Variants in ANKS1B observed in about 807,000 individuals in gnomAD.
The protein encoded by ANKS1B is ankyrin repeat and sterile alpha motif domain containing 1B, also known as ankyrin repeat and sterile alpha motif domain-containing protein 1B.
A neutral mutation model predicts 148.3 loss-of-function variants in ANKS1B; 36 were observed. The observed-to-expected ratio is 0.24, with a 90% CI of 0.19 to 0.32. The LOEUF (loss-of-function observed/expected upper bound fraction) is 0.32, where lower values mean the gene tolerates loss of function less well. ANKS1B is among the 10% of genes least tolerant of loss of function. ANKS1B has a pLI of 1.00. For synonymous variants in ANKS1B, 542 were observed against 560.8 expected (o/e 0.97, Z 0.47); for missense variants, 1,157 against 1,542.6 (o/e 0.75, Z 4.19).
chr12:99,366,982 T>C (rs907269713), intron 12 of ANKS1B, among the ~76,000 whole-genome samples: 1 of 152,152 alleles, frequency 6.6e-6, no homozygotes, highest in Non-Finnish European at 1.5e-5. Context: ...CTACTGACAT[T>C]TGGGGATGGA....
intron 14 of ANKS1B, among the ~76,000 whole-genome samples, chr12:99,240,782 T>C (rs995295775): frequency 9.2e-5 from 14 of 152,168 alleles, no homozygotes; most frequent in African/African-American, 3.4e-4. Flanking sequence ...CTGAACAACC[T>C]GCTCCTGAGT....
At chr12:99,139,431 T>C (rs1479037525) in intron 15 of ANKS1B, among the ~76,000 whole-genome samples, 1 of 11,246 alleles carries the variant, frequency 8.9e-5, no homozygotes, top group Non-Finnish European at 1.1e-4. Context: ...TCTTTCTTTC[T>C]TTCTTTCTTT....
intron 9 of ANKS1B, among the ~76,000 whole-genome samples, chr12:99,620,412 G>T (rs1044211885): frequency 1.3e-5 from 2 of 152,012 alleles, no homozygotes; most frequent in African/African-American, 2.4e-5. Context: ...GACAGATAAA[G>T]AATTTAAAGC....
intron 1 of ANKS1B, among the ~76,000 whole-genome samples, chr12:99,936,055 T>G (rs1343759327): frequency 2.6e-5 from 4 of 152,120 alleles, no homozygotes; most frequent in African/African-American, 9.7e-5. Context: ...GATCAGATTT[T>G]GCGAGACTCA....
At chr12:98,798,265 G>A (rs1594037121) in intron 22 of ANKS1B, among the ~76,000 whole-genome samples, 1 of 152,034 alleles carries the variant, frequency 6.6e-6, no homozygotes, top group East Asian at 1.9e-4. Context: ...GGGATTACAG[G>A]TGCATGCCAC....
At chr12:99,909,549 T>A (rs1419414970) in intron 1 of ANKS1B, among the ~76,000 whole-genome samples, 1 of 152,154 alleles carries the variant, frequency 6.6e-6, no homozygotes, top group Non-Finnish European at 1.5e-5. Context: ...ACACATCTCT[T>A]TTTGGTTTAT....
intron 1 of ANKS1B, among the ~76,000 whole-genome samples, chr12:99,893,098 CA>C (rs1269702506): frequency 6.6e-6 from 1 of 151,862 alleles, no homozygotes; most frequent in Non-Finnish European, 1.5e-5. Context: ...TATTGGGGTT[CA>C]GGGGGTTGAT....
At chr12:98,864,268 T>A (rs2099613795) in intron 17 of ANKS1B, among the ~76,000 whole-genome samples, 1 of 152,140 alleles carries the variant, frequency 6.6e-6, no homozygotes, top group South Asian at 2.1e-4. Context: ...ACCTCAAACA[T>A]TTATCATTTC....
At chr12:98,795,222 AG>A (rs1308473465) in intron 22 of ANKS1B, among the ~76,000 whole-genome samples, 7 of 152,246 alleles carry the variant, frequency 4.6e-5, no homozygotes, top group Non-Finnish European at 8.8e-5. Flanking sequence ...ATGTTATAGA[AG>A]GGAGGATACA....
At chr12:99,019,940 C>G (rs986107201) in intron 17 of ANKS1B, among the ~76,000 whole-genome samples, 1 of 152,096 alleles carries the variant, frequency 6.6e-6, no homozygotes, top group Non-Finnish European at 1.5e-5. Context: ...ATGGGTCATA[C>G]TGTTGTGAAA....
chr12:98,805,933 A>C (rs2099047524), intron 20 of ANKS1B, among the ~76,000 whole-genome samples: 1 of 152,202 alleles, frequency 6.6e-6, no homozygotes, highest in South Asian at 2.1e-4. Context: ...GTGCGATGGC[A>C]CAATCTCGGT....
At chr12:99,556,925 T>G (rs1396288551) in intron 9 of ANKS1B, among the ~76,000 whole-genome samples, 1 of 152,186 alleles carries the variant, frequency 6.6e-6, no homozygotes, top group African/African-American at 2.4e-5. Context: ...TTACATTGTT[T>G]TGGAGTGGAG....
At chr12:99,124,131 A>C (rs2063658168) in intron 15 of ANKS1B, among the ~76,000 whole-genome samples, 2 of 152,202 alleles carry the variant, frequency 1.3e-5, no homozygotes, top group African/African-American at 4.8e-5. Context: ...CATCTACTTT[A>C]GGAAAAATTG....
chr12:98,844,248 C>G (rs1423896224), intron 17 of ANKS1B, among the ~76,000 whole-genome samples: 1 of 152,156 alleles, frequency 6.6e-6, no homozygotes, highest in Non-Finnish European at 1.5e-5. Flanking sequence ...AAACAGTATT[C>G]GCCTCTTAGT....
intron 14 of ANKS1B, among the ~76,000 whole-genome samples, chr12:99,178,567 C>G (rs917936700): frequency 2.0e-5 from 3 of 152,222 alleles, no homozygotes; most frequent in Non-Finnish European, 4.4e-5. Flanking sequence ...AAAATAATTT[C>G]AGGCACTATC....
Position 99,371,968 on chromosome 12 carries a change from A to T in ANKS1B, c.1756+27663T>A, listed in dbSNP as rs949791915. ...CTAACACTATTATTATTTCTTTAAA[A>T]TTGGTGACACAGAGGGATGACTAGG... is the stretch of plus-strand genomic sequence containing the variant. On this transcript the variant is annotated intron_variant, in intron 12 of 26. Transcript: ENST00000683438. 2.0e-5 allele frequency among the ~76,000 whole-genome samples: 3 copies of T among 152,144 alleles called. No homozygotes were observed. In the East Asian group the frequency reaches 5.8e-4, roughly 29 times the overall value.
intron 12 of ANKS1B, among the ~76,000 whole-genome samples, chr12:99,342,505 A>ATAAAGGTG (rs2090073527): frequency 6.6e-6 from 1 of 152,076 alleles, no homozygotes; most frequent in African/African-American, 2.4e-5. Context: ...CATTGAATGA[A>ATAAAGGTG]TAAAGGTGTG....
chr12:99,220,783 A>T (rs147220324), intron 14 of ANKS1B, among the ~76,000 whole-genome samples: 1,615 of 152,214 alleles, frequency 0.011, 30 homozygotes, highest in South Asian at 0.048. Flanking sequence ...GATGACAAGG[A>T]CTATTAATTC....
intron 1 of ANKS1B, among the ~76,000 whole-genome samples, chr12:99,938,672 A>G (rs1006062865): frequency 1.3e-5 from 2 of 152,216 alleles, no homozygotes; most frequent in Non-Finnish European, 2.9e-5. Flanking sequence ...TTGGTCACAC[A>G]GCCAGACCCT....
Sources: gnomAD v4.1 joint callset for allele counts (sites outside exome capture counted in the v4.1 genomes callset) on GRCh38, gnomAD v4.1.1 for gene constraint, MANE v1.5 for transcripts, NCBI Gene and HGNC (gene_info 2026-07-23, HGNC 2026-07-21) for gene names.